Variants in PLEKHG4B observed in about 807,000 individuals in gnomAD.
The protein encoded by PLEKHG4B is pleckstrin homology domain-containing family G member 4B.
In PLEKHG4B, 111 loss-of-function variants were observed where a neutral mutation model predicts 121.3. The ratio of observed to expected loss-of-function variants is 0.92; its 90% CI spans 0.78 to 1.07. PLEKHG4B has a LOEUF of 1.07. Among genes scored for constraint, PLEKHG4B ranks in the 50% least tolerant of loss-of-function variants. The probability of loss-of-function intolerance (pLI) is 0.00; values close to 1 mark genes in which losing one functional copy is unlikely to be tolerated. For synonymous variants in PLEKHG4B, 738 were observed against 725.0 expected, an observed-to-expected ratio of 1.02 and a Z score of -0.29; for missense variants, 1,831 against 1,757.8, an observed-to-expected ratio of 1.04 and a Z score of -0.74.
At position 140,503 on chromosome 5, in the gene PLEKHG4B, A is replaced by G; in HGVS notation, c.1264A>G (p.Ser422Gly). Residue 422 changes from serine to glycine, a missense_variant, in exon 3 of 20, where the codon AGC becomes GGC. Ser to Gly is a moderately conservative substitution (Grantham distance 56). Coordinates refer to ENST00000637938, the MANE Select transcript of PLEKHG4B (RefSeq NM_052909.5). ...TCTAGAGAAGGAGAGGCACACACCC[A>G]GCCGGACAGGTCCAGGAGCTGCAGG... The part of the protein sequence containing the change: ...PSLEKERHTP[S>G]RTGPGAAGRT... The G allele has an allele frequency of 6.3e-7, 1 of 1,596,910 alleles. No homozygotes were observed. The highest frequency in any genetic ancestry group is 8.5e-7 in the Non-Finnish European group (1 of 1,172,224).
rs116314028 is a variant in PLEKHG4B, at chr5:187,497, C to T, written c.*5174C>T. ...CTGGAGAGTCCACGTCCCCAGACCC[C>T]TCATGCCAACACCATTCCACCCAGC... On this transcript the variant is annotated 3_prime_UTR_variant, in exon 20 of 20. Coordinates refer to ENST00000637938, the MANE Select transcript of PLEKHG4B (RefSeq NM_052909.5). The T allele has an allele frequency of 0.068, 10,388 of 152,380 alleles. 488 individuals carry two copies. Among genetic ancestry groups the T allele is most frequent in the Non-Finnish European group, 0.11 (7,303 of 68,124 alleles). The allele number at this position is 152,380 out of a possible 1,614,324, so 9.4% of individuals were successfully genotyped here.
intron 2 of PLEKHG4B, among the ~76,000 whole-genome samples, chr5:126,331 C>T (rs1336904347): frequency 6.6e-6 from 1 of 152,158 alleles, no homozygotes; most frequent in Non-Finnish European, 1.5e-5. Context: ...TTTTTCATTT[C>T]AGTTATTATA....
At position 143,202 on chromosome 5, in the gene PLEKHG4B, C is replaced by CAGGTGCTGGACGTCAGTCAGG; in HGVS notation, c.1636_1656dup (p.Val546_Glu552dup). 6.2e-7 allele frequency: 1 copy of CAGGTGCTGGACGTCAGTCAGG among 1,611,532 alleles called. No homozygotes were observed. Among genetic ancestry groups the CAGGTGCTGGACGTCAGTCAGG allele is most frequent in the Non-Finnish European group, 8.5e-7 (1 of 1,180,022 alleles). ...AGACTTCCCCAGCCAGGTGCCCAAG[C>CAGGTGCTGGACGTCAGTCAGG]AGGTGCTGGACGTCAGTCAGGAGCT... On this transcript the variant is annotated inframe_insertion, in exon 4 of 20. Coordinates refer to ENST00000637938, the MANE Select transcript of PLEKHG4B (RefSeq NM_052909.5).
rs565354774 is a variant in PLEKHG4B at position 168,548 on chromosome 5, C to T, written c.3477-792C>T. Among the ~76,000 whole-genome samples the T allele has an allele frequency of 7.2e-4, 110 of 152,140 alleles. 1 individual carries two copies. Among genetic ancestry groups the T allele is most frequent in the Middle Eastern group, 6.8e-3 (2 of 294 alleles). On this transcript the variant is annotated intron_variant, in intron 13 of 19. Coordinates refer to ENST00000637938, the MANE Select transcript of PLEKHG4B (RefSeq NM_052909.5). ...CCACCACAGCCTTCCTTAGCAGAAG[C>T]GTCACTGCTGGAAGTGTTTGAGTCA... is the stretch of plus-strand genomic sequence containing the variant.
rs1579237399 is a variant in PLEKHG4B, at chr5:105,426, T to C, written c.46-7825T>C. Among the ~76,000 whole-genome samples the C allele has an allele frequency of 3.3e-5, 5 of 152,384 alleles. 1 individual carries two copies. The highest frequency in any genetic ancestry group is 3.3e-4 in the Admixed American group (5 of 15,312). On this transcript the variant is annotated intron_variant, in intron 1 of 19. Coordinates refer to ENST00000637938, the MANE Select transcript of PLEKHG4B (RefSeq NM_052909.5). ...AGGTGTTTGAAAGAAACCATATTGA[T>C]GATTTACGTGGAATCTGCTGTCAGA... is the stretch of plus-strand genomic sequence containing the variant.
At position 143,516 on chromosome 5, in the gene PLEKHG4B, G is replaced by T. The variant is rs375111020; in HGVS notation, c.1811+13G>T. ...ATAGCATCCCCAGGTGGGACGGGGGGCAAGGCCGCACCCTGCAGACCCATG... is the reference window on the plus strand; with the variant it reads ...ATAGCATCCCCAGGTGGGACGGGGGTCAAGGCCGCACCCTGCAGACCCATG... On this transcript the variant is annotated intron_variant, in intron 5 of 19. Transcript: ENST00000637938. 13 of 1,612,292 alleles carry T rather than the reference G, an allele frequency of 8.1e-6. No homozygotes were observed. The highest frequency in any genetic ancestry group is 1.1e-5 in the Non-Finnish European group (13 of 1,179,810).
At chr5:106,437 T>C (rs12520108) in intron 1 of PLEKHG4B, among the ~76,000 whole-genome samples, 28,549 of 152,118 alleles carry the variant, frequency 0.19, 3,789 homozygotes, top group African/African-American at 0.37. Flanking sequence ...CCTTCCTAAA[T>C]GCAGAGTTAT....
At chr5:176,777 A>G (rs1392787247) in intron 18 of PLEKHG4B, among the ~76,000 whole-genome samples, 2 of 152,224 alleles carry the variant, frequency 1.3e-5, no homozygotes, top group Non-Finnish European at 2.9e-5. Context: ...CAGTTCCCAC[A>G]GCGTTGAGTT....
At chr5:180,161 C>A (rs1736886795) in intron 18 of PLEKHG4B, among the ~76,000 whole-genome samples, 1 of 152,100 alleles carries the variant, frequency 6.6e-6, no homozygotes, top group African/African-American at 2.4e-5. Context: ...GTGTAAGGAT[C>A]ATTTGAGGCC....
intron 17 of PLEKHG4B, 107 bp downstream of exon 17, chr5:173,174 G>T: frequency 2.7e-6 from 3 of 1,095,232 alleles, no homozygotes; most frequent in Non-Finnish European, 4.0e-6. Context: ...AGGGAGTGAA[G>T]CGGGGAGGAG....
rs1473345844 is a variant in PLEKHG4B at position 139,746 on chromosome 5, G to A, written c.507G>A (p.Arg169=). The A allele has an allele frequency of 1.0e-5, 4 of 398,882 alleles. No individual in the cohort carries two copies. Among genetic ancestry groups the A allele is most frequent in the Non-Finnish European group, 1.8e-5 (4 of 226,282 alleles). The allele number at this position is 398,882 out of a possible 1,614,324, so 24.7% of individuals were successfully genotyped here. A position where few individuals can be genotyped will look rare whatever the true frequency, so the allele number is the denominator to read the frequency against. ...FTGAFLEWVN[R]ERRHVPLQTC... is the part of the protein sequence containing the mutation. ...GGGCGTTCCTGGAGTGGGTGAACCG[G>A]GAGCGGCGCCATGTCCCCCTGCAAA... is the stretch of plus-strand genomic sequence containing the variant. The change falls in exon 3 of 20, where the codon CGG becomes CGA. Residue 169 remains arginine, a synonymous_variant. Coordinates refer to ENST00000637938, the MANE Select transcript of PLEKHG4B (RefSeq NM_052909.5). The surrounding 1 kb of genome is among the most constrained non-coding windows in gnomAD (Gnocchi z 5.0).
At chr5:111,671 G>A (rs374412818) in intron 1 of PLEKHG4B, among the ~76,000 whole-genome samples, 54 of 152,120 alleles carry the variant, frequency 3.5e-4, no homozygotes, top group African/African-American at 1.3e-3. Context: ...GCCCAGTGTC[G>A]GCATTTCATC....
intron 18 of PLEKHG4B, among the ~76,000 whole-genome samples, chr5:178,527 G>C (rs1455915374): frequency 3.3e-5 from 5 of 151,946 alleles, no homozygotes. Flanking sequence ...TGGCTTTTTG[G>C]CTGCTTATCA....
chr5:127,991 C>T (rs1734669406), intron 2 of PLEKHG4B, among the ~76,000 whole-genome samples: 1 of 152,180 alleles, frequency 6.6e-6, no homozygotes, highest in Admixed American at 6.5e-5. Flanking sequence ...TTGAGTTCTT[C>T]TAAAGACCTG....
Position 140,220 on chromosome 5 carries a change from C to A in PLEKHG4B, c.981C>A (p.His327Gln). 1 of 1,381,792 alleles carries A rather than the reference C, an allele frequency of 7.2e-7. No homozygotes were observed. Among genetic ancestry groups the A allele is most frequent in the Non-Finnish European group, 9.6e-7 (1 of 1,038,448 alleles). The allele number at this position is 1,381,792 out of a possible 1,614,324, so 85.6% of individuals were successfully genotyped here. ...ACAGACCCAAGGCCCTCACCTTCCA[C>A]ACAGACCTGGGCATCCCGAGCAGCA... is the stretch of plus-strand genomic sequence containing the variant. The part of the protein sequence containing the change: ...QEDRPKALTF[H>Q]TDLGIPSSRR... The change falls in exon 3 of 20, where the codon CAC becomes CAA. Residue 327 changes from histidine to glutamine, a missense_variant. By Grantham distance (24) the His-to-Gln change is conservative. Transcript: ENST00000637938.
At chr5:176,435 AGT>A (rs1398212608) in intron 18 of PLEKHG4B, among the ~76,000 whole-genome samples, 3 of 152,218 alleles carry the variant, frequency 2.0e-5, no homozygotes, top group African/African-American at 7.2e-5. Context: ...AATAGAACTA[AGT>A]TGATTCAAGC....
intron 2 of PLEKHG4B, among the ~76,000 whole-genome samples, chr5:122,414 T>A (rs1049488369): frequency 1.1e-4 from 16 of 151,792 alleles, no homozygotes; most frequent in African/African-American, 3.4e-4. Context: ...TATTTATTTA[T>A]TTATTTATTT....
chr5:116,357 C>A (rs189076532), intron 2 of PLEKHG4B, among the ~76,000 whole-genome samples: 119 of 152,200 alleles, frequency 7.8e-4, no homozygotes, highest in Non-Finnish European at 4.3e-4. Context: ...TATAGATCAT[C>A]ATAACAGATA....
intron 1 of PLEKHG4B, among the ~76,000 whole-genome samples, chr5:106,232 A>G (rs146029968): frequency 6.6e-6 from 1 of 152,214 alleles, no homozygotes; most frequent in Non-Finnish European, 1.5e-5. Context: ...GGCATAGCAT[A>G]TTGTGGTTCT....
Sources: allele counts gnomAD v4.1 joint callset (sites outside exome capture counted in the v4.1 genomes callset), GRCh38; gene constraint gnomAD v4.1.1; non-coding constraint Gnocchi (gnomAD v3.1); transcripts MANE v1.5; gene names NCBI Gene and HGNC (gene_info 2026-07-23, HGNC 2026-07-21).